Variants in TOGARAM2 observed in about 807,000 individuals in gnomAD.
The protein encoded by TOGARAM2 is TOG array regulator of axonemal microtubules 2, also known as TOG array regulator of axonemal microtubules protein 2.
In TOGARAM2, 85 loss-of-function variants were observed where a neutral mutation model predicts 93.3. The ratio of observed to expected loss-of-function variants is 0.91; its 90% CI spans 0.76 to 1.09. The LOEUF (loss-of-function observed/expected upper bound fraction) is 1.09. Ranked by LOEUF, TOGARAM2 falls within the 50% of genes least tolerant of loss-of-function variation. TOGARAM2 has a pLI of 0.00. For missense variants in TOGARAM2, 1,277 were observed against 1,334.5 expected (o/e 0.96, Z 0.67); for synonymous variants, 593 against 552.8 (o/e 1.07, Z -1.02).
At chr2:29,037,928 C>CA (rs1416945767) in intron 18 of TOGARAM2, among the ~76,000 whole-genome samples, 5 of 152,144 alleles carry the variant, frequency 3.3e-5, no homozygotes, top group Admixed American at 1.3e-4. Context: ...CTGTACCAAG[C>CA]AAAATAGGCT....
chr2:28,962,745 TCCCTTCCCTCCCCTC>T lies in TOGARAM2; in HGVS notation c.-147+6076_-147+6090del, dbSNP rs1172929051. 4.8e-4 allele frequency among the ~76,000 whole-genome samples: 67 copies of T among 140,234 alleles called. No homozygotes were observed. In the East Asian group the frequency reaches 5.7e-3, roughly 12 times the overall value. 92.0% of individuals were successfully genotyped at this position (140,234 alleles called of 152,430 possible). ...TCTGCCTCTCTGTCTCCCTTTCCCT[TCCCTTCCCTCCCCTC>T]CCCTTCCCTCCCCTCCCCTTCCCTC... On this transcript the variant is annotated intron_variant, in intron 1 of 6. Transcript: ENST00000401723.
intron 11 of TOGARAM2, among the ~76,000 whole-genome samples, chr2:29,022,833 G>T (rs758731025): frequency 1.3e-5 from 2 of 152,220 alleles, no homozygotes; most frequent in African/African-American, 4.8e-5. Flanking sequence ...GTCCTGGAGG[G>T]GGGTGGGCTT....
intron 1 of TOGARAM2, among the ~76,000 whole-genome samples, chr2:28,988,008 C>T (rs767794930): frequency 8.5e-5 from 13 of 152,062 alleles, no homozygotes; most frequent in Non-Finnish European, 7.4e-5. Flanking sequence ...TAGGAGTGGC[C>T]GAGTTGAGGG....
intron 14 of TOGARAM2, among the ~76,000 whole-genome samples, chr2:29,029,264 T>TACACACACACAC (rs146395549): frequency 0.025 from 3,648 of 147,930 alleles, 44 homozygotes; most frequent in Non-Finnish European, 0.027. Flanking sequence ...TATGTGTGTA[T>TACACACACACAC]ACACACACAC....
At chr2:29,010,635 G>A (rs926985573) in intron 6 of TOGARAM2, among the ~76,000 whole-genome samples, 2 of 152,030 alleles carry the variant, frequency 1.3e-5, no homozygotes, top group African/African-American at 2.4e-5. Context: ...TTGTTACTCT[G>A]TCAGCCCCCC....
At chr2:29,036,332 G>A (rs1447199353) in intron 17 of TOGARAM2, among the ~76,000 whole-genome samples, 1 of 152,188 alleles carries the variant, frequency 6.6e-6, no homozygotes, top group East Asian at 1.9e-4. Flanking sequence ...CATGCAATGA[G>A]TGCTCAATAC....
chr2:29,033,435 C>T (rs1476502578), intron 15 of TOGARAM2, 34 bp from the exon 16 acceptor site: 1 of 1,588,634 alleles, frequency 6.3e-7, no homozygotes. Flanking sequence ...AGGGCCACTC[C>T]TTTTGGCTCA....
chr2:29,026,388 G>C (rs932815452), intron 13 of TOGARAM2, among the ~76,000 whole-genome samples: 3 of 152,180 alleles, frequency 2.0e-5, no homozygotes, highest in African/African-American at 2.4e-5. Context: ...CAGCCTGATG[G>C]GGGCCCTAAG....
intron 17 of TOGARAM2, 77 bp from the exon 18 acceptor site, chr2:29,036,464 G>C (rs940898357): frequency 6.8e-5 from 97 of 1,425,300 alleles, no homozygotes; most frequent in Non-Finnish European, 9.1e-5. Flanking sequence ...GGCCAGGTGA[G>C]CTCCAAGCTG....
chr2:28,966,520 T>A (rs1044801432), intron 1 of TOGARAM2, among the ~76,000 whole-genome samples: 2 of 151,806 alleles, frequency 1.3e-5, no homozygotes, highest in Non-Finnish European at 1.5e-5. Context: ...ATGGTCTTGA[T>A]CTCCTGACTT....
chr2:29,001,336 TA>T (rs1250051976), intron 4 of TOGARAM2, among the ~76,000 whole-genome samples: 9 of 140,718 alleles, frequency 6.4e-5, no homozygotes, highest in East Asian at 5.8e-4. Context: ...TTGGCTGGTT[TA>T]TTTTTTTTTA....
chr2:28,959,096 G>T (rs1671764465), intron 1 of TOGARAM2, among the ~76,000 whole-genome samples: 1 of 152,150 alleles, frequency 6.6e-6, no homozygotes, highest in Admixed American at 6.5e-5. Flanking sequence ...TGCACCTCCA[G>T]TTTCCCTGGC....
At chr2:29,036,841 G>A in intron 18 of TOGARAM2, 84 bp downstream of exon 18, 1 of 1,382,760 alleles carries the variant, frequency 7.2e-7, no homozygotes, top group Non-Finnish European at 1.0e-6. Flanking sequence ...ATAAGGCCTT[G>A]GTTGGTTCCC....
chr2:29,040,055 ATTACC>A (rs1666340256), intron 18 of TOGARAM2, among the ~76,000 whole-genome samples: 4 of 152,204 alleles, frequency 2.6e-5, no homozygotes, highest in Admixed American at 2.6e-4. Context: ...CTTTAAATTT[ATTACC>A]TTATATAAAT....
upstream of TOGARAM2, among the ~76,000 whole-genome samples, chr2:28,979,622 C>T (rs559777460): frequency 1.2e-4 from 18 of 152,318 alleles, no homozygotes; most frequent in African/African-American, 4.1e-4. Context: ...GTGTCTCTAG[C>T]ATTTGGCACA....
chr2:28,980,560 G>A (rs114570389), upstream of TOGARAM2, among the ~76,000 whole-genome samples: 165 of 152,328 alleles, frequency 1.1e-3, 1 homozygote, highest in African/African-American at 3.9e-3. Context: ...GCTAGAAGGG[G>A]GTAGCATGAG....
intron 1 of TOGARAM2, among the ~76,000 whole-genome samples, chr2:28,989,928 A>T (rs1383235956): frequency 6.6e-6 from 1 of 152,218 alleles, no homozygotes; most frequent in East Asian, 1.9e-4. Context: ...CTTAGTACCT[A>T]TGGCATGTTT....
At chr2:28,978,880 G>A (rs918673312), upstream of TOGARAM2, among the ~76,000 whole-genome samples, 10 of 152,268 alleles carry the variant, frequency 6.6e-5, no homozygotes, top group East Asian at 1.7e-3. Context: ...ACCCTCTTCC[G>A]AGGGTCTGGC....
At chr2:29,041,025 C>CTTT (rs59787454) in intron 18 of TOGARAM2, among the ~76,000 whole-genome samples, 55 of 137,140 alleles carry the variant, frequency 4.0e-4, no homozygotes, top group East Asian at 1.3e-3. Flanking sequence ...TCTTGAGTCA[C>CTTT]TTTTTTTTTT....
Sources: allele counts gnomAD v4.1 joint callset (sites outside exome capture counted in the v4.1 genomes callset), GRCh38; gene constraint gnomAD v4.1.1; transcripts MANE v1.5; gene names NCBI Gene and HGNC (gene_info 2026-07-23, HGNC 2026-07-21).